The following ADAMTSL3 variants were observed in gnomAD, a reference collection of about 807,000 sequenced individuals.
ADAMTSL3 encodes the protein ADAMTS-like protein 3.
ADAMTSL3 carries 128 observed loss-of-function variants against 201.7 expected under a neutral mutation model. The observed-to-expected ratio is 0.63, with a 90% CI of 0.55 to 0.73. The LOEUF (loss-of-function observed/expected upper bound fraction) is 0.73, where lower values mean the gene tolerates loss of function less well. Among genes scored for constraint, ADAMTSL3 ranks in the 30% least tolerant of loss-of-function variants. The probability of loss-of-function intolerance (pLI) is 0.00; values close to 1 mark genes in which losing one functional copy is unlikely to be tolerated. For synonymous variants in ADAMTSL3, 738 were observed against 748.4 expected (o/e 0.99, Z 0.23); for missense variants, 1,990 against 2,119.6 (o/e 0.94, Z 1.20).
At chr15:83,940,210 G>A (rs1006194397) in intron 17 of ADAMTSL3, among the ~76,000 whole-genome samples, 2 of 152,050 alleles carry the variant, frequency 1.3e-5, no homozygotes, top group African/African-American at 2.4e-5. Context: ...TGGCCCATGC[G>A]CAATTTAGAA....
chr15:83,974,068 A>G (rs772174845), intron 20 of ADAMTSL3, among the ~76,000 whole-genome samples: 4 of 152,250 alleles, frequency 2.6e-5, no homozygotes, highest in South Asian at 2.1e-4. Flanking sequence ...CTTCTCCCCA[A>G]ACAATCCCTG....
chr15:84,006,806 C>T (rs1374325952), intron 23 of ADAMTSL3, among the ~76,000 whole-genome samples: 3 of 152,190 alleles, frequency 2.0e-5, no homozygotes, highest in East Asian at 1.9e-4. Context: ...CTGTTCAGTT[C>T]TTTGAAAATG....
In ADAMTSL3 at chr15:84,036,833, TTGGAAGCCCTGTA is replaced by T; in HGVS notation, c.4816_4828del (p.Trp1606GlnfsTer60). 1.2e-6 allele frequency: 2 copies of T among 1,614,070 alleles called. No individual in the cohort carries two copies. The highest frequency in any genetic ancestry group is 1.7e-6 in the Non-Finnish European group (2 of 1,179,984). On this transcript the variant is annotated frameshift_variant, in exon 29 of 30. Transcript: ENST00000286744. LOFTEE classifies it high-confidence loss of function. ...GTGATGTGTGTTGGCACACAGGCCC[TTGGAAGCCCTGTA>T]CAGCAGCCTGTGGCAGGGGTTTCCA...
chr15:83,853,906 CTCTATCTATCTA>C (rs36062109), intron 7 of ADAMTSL3, among the ~76,000 whole-genome samples: 3,960 of 146,512 alleles, frequency 0.027, 74 homozygotes, highest in African/African-American at 0.047. Flanking sequence ...ATCACTCTAT[CTCTATCTATCTA>C]TCTATCTATC....
At chr15:83,770,758 G>T (rs1175368262) in intron 3 of ADAMTSL3, among the ~76,000 whole-genome samples, 1 of 152,090 alleles carries the variant, frequency 6.6e-6, no homozygotes, top group African/African-American at 2.4e-5. Context: ...CTATGAAGAA[G>T]TTATCTATGA....
At chr15:83,864,187 A>G (rs1286216607) in intron 8 of ADAMTSL3, among the ~76,000 whole-genome samples, 1 of 152,230 alleles carries the variant, frequency 6.6e-6, no homozygotes, top group African/African-American at 2.4e-5. Context: ...CAGAAGTACA[A>G]GGAGGAGCTG....
intron 23 of ADAMTSL3, among the ~76,000 whole-genome samples, chr15:84,013,200 T>G (rs549345762): frequency 6.6e-6 from 1 of 152,202 alleles, no homozygotes; most frequent in Non-Finnish European, 1.5e-5. Flanking sequence ...TGGACAGAAC[T>G]GGACCTGAAG....
At chr15:83,778,109 T>C (rs1423902386) in intron 4 of ADAMTSL3, among the ~76,000 whole-genome samples, 1 of 152,082 alleles carries the variant, frequency 6.6e-6, no homozygotes, top group Non-Finnish European at 1.5e-5. Context: ...CTTTGAGAAA[T>C]ATGAGATTAT....
chr15:83,969,962 G>A (rs1327365416), intron 19 of ADAMTSL3, among the ~76,000 whole-genome samples: 1 of 152,200 alleles, frequency 6.6e-6, no homozygotes, highest in Non-Finnish European at 1.5e-5. Flanking sequence ...TGTTGGATAT[G>A]TCTGTTACTC....
At position 83,847,575 on chromosome 15, in the gene ADAMTSL3, A is replaced by G. The variant is rs1199319630; in HGVS notation, c.727+9360A>G. 5.3e-5 allele frequency among the ~76,000 whole-genome samples: 8 copies of G among 149,802 alleles called. No homozygotes were observed. In the Admixed American group the frequency reaches 5.4e-4, roughly 10 times the overall value. On this transcript the variant is annotated intron_variant, in intron 7 of 29. Transcript: ENST00000286744. ...CAATGGTGCAATCTCAGTTCACTGC[A>G]GCCTCTACCTCCTGGGTTCAAGTGA...
intron 5 of ADAMTSL3, among the ~76,000 whole-genome samples, chr15:83,813,295 C>T (rs145196243): frequency 1.3e-5 from 2 of 152,218 alleles, no homozygotes; most frequent in East Asian, 1.9e-4. Context: ...CATGGCTATT[C>T]GTTTTCCACT....
At chr15:83,901,935 A>G (rs563524812) in intron 15 of ADAMTSL3, among the ~76,000 whole-genome samples, 5 of 152,346 alleles carry the variant, frequency 3.3e-5, no homozygotes, top group African/African-American at 1.2e-4. Context: ...AAACACAGTT[A>G]GATGATAGTT....
chr15:83,713,338 GT>G (rs1452138776), intron 3 of ADAMTSL3, among the ~76,000 whole-genome samples: 1 of 152,156 alleles, frequency 6.6e-6, no homozygotes, highest in Non-Finnish European at 1.5e-5. Flanking sequence ...GACTGAATGT[GT>G]GTTTTTCTTA....
chr15:83,662,606 A>C (rs2061190254), intron 2 of ADAMTSL3, among the ~76,000 whole-genome samples: 1 of 152,020 alleles, frequency 6.6e-6, no homozygotes, highest in Admixed American at 6.6e-5. Flanking sequence ...GAAAGAAAAA[A>C]AAAAAGTTCA....
chr15:83,908,707 C>G (rs1276474908), intron 15 of ADAMTSL3, among the ~76,000 whole-genome samples: 2 of 152,174 alleles, frequency 1.3e-5, no homozygotes, highest in African/African-American at 4.8e-5. Context: ...TTTCTTCATG[C>G]TCAAAGTTTT....
chr15:83,842,823 G>A (rs967639968), intron 7 of ADAMTSL3, among the ~76,000 whole-genome samples: 6 of 152,160 alleles, frequency 3.9e-5, no homozygotes, highest in Non-Finnish European at 7.4e-5. Context: ...AAAGACAATA[G>A]CCAGATCCCG....
intron 2 of ADAMTSL3, among the ~76,000 whole-genome samples, chr15:83,684,298 CTT>C (rs1476086790): frequency 6.6e-6 from 1 of 152,208 alleles, no homozygotes; most frequent in African/African-American, 2.4e-5. Context: ...TTTCCTCTCC[CTT>C]TTGTCTTCAG....
At chr15:83,676,338 A>G (rs996546609) in intron 2 of ADAMTSL3, among the ~76,000 whole-genome samples, 6 of 151,876 alleles carry the variant, frequency 4.0e-5, no homozygotes, top group African/African-American at 7.3e-5. Flanking sequence ...CCTTTGTGCT[A>G]TGTTCTCAAT....
At chr15:83,976,785 C>T (rs1256299869) in intron 20 of ADAMTSL3, among the ~76,000 whole-genome samples, 2 of 152,172 alleles carry the variant, frequency 1.3e-5, no homozygotes, top group South Asian at 4.1e-4. Context: ...AAGCTTCGCT[C>T]ACTGGCCTTA....
Sources: allele counts gnomAD v4.1 joint callset (sites outside exome capture counted in the v4.1 genomes callset), GRCh38; gene constraint gnomAD v4.1.1; transcripts MANE v1.5; gene names NCBI Gene and HGNC (gene_info 2026-07-23, HGNC 2026-07-21).